Variants in STPG2 observed in about 807,000 individuals in gnomAD.
STPG2 encodes the protein sperm tail PG-rich repeat containing 2.
A neutral mutation model predicts 54.2 loss-of-function variants in STPG2; 56 were observed. The observed-to-expected ratio is 1.03, with a 90% confidence interval of 0.83 to 1.29. The LOEUF (loss-of-function observed/expected upper bound fraction) is 1.29. STPG2 is among the 50% of genes most tolerant of loss of function. The pLI is 0.00. For missense variants in STPG2, 596 were observed against 544.9 expected, an observed-to-expected ratio of 1.09 and a Z score of -0.93; for synonymous variants, 200 against 181.8, an observed-to-expected ratio of 1.10 and a Z score of -0.81.
intron 8 of STPG2, among the ~76,000 whole-genome samples, chr4:97,860,211 C>T (rs1428149763): frequency 6.6e-6 from 1 of 152,082 alleles, no homozygotes; most frequent in African/African-American, 2.4e-5. Context: ...GCTATGCAGG[C>T]TCTTTTTTTG....
chr4:97,786,660 C>T (rs552092977), intron 9 of STPG2, among the ~76,000 whole-genome samples: 17 of 152,202 alleles, frequency 1.1e-4, no homozygotes, highest in Admixed American at 1.0e-3. Context: ...TACCATCCTG[C>T]TCCATTCCAG....
At chr4:97,882,121 G>T (rs1289834218) in intron 8 of STPG2, among the ~76,000 whole-genome samples, 1 of 152,248 alleles carries the variant, frequency 6.6e-6, no homozygotes, top group Admixed American at 6.5e-5. Context: ...GCTGGTATGA[G>T]AAATTTTCAG....
intron 4 of STPG2, among the ~76,000 whole-genome samples, chr4:97,454,395 C>A (rs898804537): frequency 1.3e-5 from 2 of 149,880 alleles, no homozygotes; most frequent in Non-Finnish European, 3.0e-5. Flanking sequence ...CGCCTGTAGT[C>A]CCAGCTACTC....
rs142272985 is a variant in STPG2, at chr4:97,994,038, T to C, written c.613-12720A>G. Among the ~76,000 whole-genome samples the C allele has an allele frequency of 7.3e-3, 1,105 of 152,246 alleles. 12 individuals carry two copies. The highest frequency in any genetic ancestry group is 0.024 in the Middle Eastern group (7 of 294). ...TTATTTATCTTTTCAAATAACCAGT[T>C]TTTTGTTTCATTTATCTTTTGTATT... On this transcript the variant is annotated intron_variant, in intron 5 of 10. Coordinates refer to ENST00000295268, the MANE Select transcript of STPG2 (RefSeq NM_174952.3).
chr4:97,713,923 G>C (rs1384397680), intron 9 of STPG2, among the ~76,000 whole-genome samples: 2 of 152,102 alleles, frequency 1.3e-5, no homozygotes, highest in African/African-American at 4.8e-5. Context: ...GAATGTTAGA[G>C]GTCTACTATA....
intron 10 of STPG2, among the ~76,000 whole-genome samples, chr4:97,706,044 T>C (rs1723930289): frequency 6.6e-6 from 1 of 152,142 alleles, no homozygotes; most frequent in Non-Finnish European, 1.5e-5. Context: ...GTGATCAAAG[T>C]GCAATTTATA....
At chr4:98,025,979 T>C in intron 5 of STPG2, 4 of 1,180,082 alleles carry the variant, frequency 3.4e-6, no homozygotes, top group Admixed American at 1.7e-5. Context: ...AGGAAGCACA[T>C]TGTGGGCCAG....
At chr4:97,803,517 T>A (rs1727460204) in intron 9 of STPG2, among the ~76,000 whole-genome samples, 1 of 152,088 alleles carries the variant, frequency 6.6e-6, no homozygotes, top group Non-Finnish European at 1.5e-5. Flanking sequence ...GTCAATGGCT[T>A]TGCCATCTTC....
chr4:98,129,421 G>C (rs1739920574), intron 2 of STPG2, among the ~76,000 whole-genome samples: 1 of 152,092 alleles, frequency 6.6e-6, no homozygotes. Flanking sequence ...AAATATCTAT[G>C]ATGTAATGCT....
At chr4:97,529,977 CT>C (rs1443427379) in intron 4 of STPG2, among the ~76,000 whole-genome samples, 2 of 151,726 alleles carry the variant, frequency 1.3e-5, no homozygotes, top group Non-Finnish European at 2.9e-5. Flanking sequence ...ATTTATTTTT[CT>C]TTTTTCTTCC....
At chr4:97,695,620 C>A (rs913277279) in intron 10 of STPG2, among the ~76,000 whole-genome samples, 3 of 151,932 alleles carry the variant, frequency 2.0e-5, no homozygotes, top group South Asian at 4.2e-4. Flanking sequence ...CCAAAAAGCC[C>A]CTAGAACTGA....
At position 97,521,533 on chromosome 4, in the gene STPG2, C is replaced by A. The variant is rs554801803; in HGVS notation, c.462+191166G>T. On this transcript the variant is annotated intron_variant, in intron 4 of 4. Transcript: ENST00000522676. ...CTGATACTCAGAAATGTACTTTAGA[C>A]AAGATGACGCGAATATGACAGTGAA... Among the ~76,000 whole-genome samples the A allele has an allele frequency of 2.6e-5, 4 of 152,062 alleles. No individual in the cohort carries two copies. The East Asian group carries it at 7.7e-4, about 29-fold the overall frequency.
chr4:97,661,156 G>A (rs1508462), intron 10 of STPG2, among the ~76,000 whole-genome samples: 3 of 151,922 alleles, frequency 2.0e-5, no homozygotes, highest in Non-Finnish European at 4.4e-5. Context: ...TAATGATTCC[G>A]TGGGTAATAT....
chr4:97,576,376 C>T (rs1732723985), intron 10 of STPG2, among the ~76,000 whole-genome samples: 1 of 151,552 alleles, frequency 6.6e-6, no homozygotes, highest in Admixed American at 6.6e-5. Flanking sequence ...TACTACGAGG[C>T]TATGGTAACC....
At chr4:97,718,791 T>C (rs191552142) in intron 9 of STPG2, among the ~76,000 whole-genome samples, 1 of 152,006 alleles carries the variant, frequency 6.6e-6, no homozygotes, top group Non-Finnish European at 1.5e-5. Flanking sequence ...CCTGTAATCA[T>C]GTAATGTAAA....
chr4:98,025,196 A>T (rs1005131280), intron 5 of STPG2, among the ~76,000 whole-genome samples: 2 of 152,226 alleles, frequency 1.3e-5, no homozygotes, highest in Non-Finnish European at 2.9e-5. Flanking sequence ...AACTACTGGA[A>T]ATGTATATCT....
intron 8 of STPG2, among the ~76,000 whole-genome samples, chr4:97,904,924 C>T (rs992921082): frequency 8.6e-5 from 13 of 151,958 alleles, no homozygotes; most frequent in African/African-American, 1.9e-4. Flanking sequence ...TAAAAAGAAA[C>T]GAGCAAAGCC....
intron 5 of STPG2, among the ~76,000 whole-genome samples, chr4:98,018,488 G>T (rs984801253): frequency 6.6e-6 from 1 of 152,210 alleles, no homozygotes. Flanking sequence ...ACGTGTGCAT[G>T]TGTCTTTATA....
chr4:97,656,916 T>C (rs1459190058), intron 10 of STPG2, among the ~76,000 whole-genome samples: 2 of 152,100 alleles, frequency 1.3e-5, no homozygotes, highest in Admixed American at 6.6e-5. Context: ...AAAATATATA[T>C]GAAAAATAAT....
Sources: allele counts gnomAD v4.1 joint callset (sites outside exome capture counted in the v4.1 genomes callset), GRCh38; gene constraint gnomAD v4.1.1; transcripts MANE v1.5; gene names NCBI Gene and HGNC (gene_info 2026-07-23, HGNC 2026-07-21).